The following PRKAR1B variants were observed in gnomAD, a reference collection of about 807,000 sequenced individuals.
The protein encoded by PRKAR1B is cAMP-dependent protein kinase type I-beta regulatory subunit.
In PRKAR1B, 22 loss-of-function variants were observed where a neutral mutation model predicts 46.5. The ratio of observed to expected loss-of-function variants is 0.47; its 90% CI spans 0.34 to 0.68. The LOEUF (loss-of-function observed/expected upper bound fraction) is 0.68, where lower values mean the gene tolerates loss of function less well. Among genes scored for constraint, PRKAR1B ranks in the 30% least tolerant of loss-of-function variants. The probability of loss-of-function intolerance (pLI) is 0.01; values close to 1 mark genes in which losing one functional copy is unlikely to be tolerated. For synonymous variants in PRKAR1B, 259 were observed against 217.7 expected, an observed-to-expected ratio of 1.19 and a Z score of -1.67; for missense variants, 445 against 535.6, an observed-to-expected ratio of 0.83 and a Z score of 1.67.
At position 711,463 on chromosome 7, in the gene PRKAR1B, G is replaced by A; in HGVS notation, c.43C>T (p.Leu15=). The change falls in exon 2 of 11, where the codon CTG becomes TTG. Residue 15 remains leucine, a synonymous_variant. Coordinates refer to ENST00000537384, the MANE Select transcript of PRKAR1B (RefSeq NM_001164760.2). ...TGCACGTACAGCTCACAGCCCTTCA[G>A]GCTCTCGTCCTCCTCCGAGGGGCAG... ...PACPSEEDES[L]KGCELYVQLH... is the part of the protein sequence containing the mutation. 1 of 1,614,186 alleles carries A rather than the reference G, an allele frequency of 6.2e-7. No homozygotes were observed. Among genetic ancestry groups the A allele is most frequent in the South Asian group, 1.1e-5 (1 of 91,078 alleles).
chr7:627,609 C>T (rs756302940), intron 4 of PRKAR1B, among the ~76,000 whole-genome samples: 6 of 152,204 alleles, frequency 3.9e-5, no homozygotes, highest in Non-Finnish European at 4.4e-5. Context: ...CGGGGCACCC[C>T]AGTACTGAGC....
chr7:589,056 T>G (rs1405345588), intron 7 of PRKAR1B, among the ~76,000 whole-genome samples: 3 of 150,860 alleles, frequency 2.0e-5, no homozygotes, highest in Non-Finnish European at 4.4e-5. Context: ...ATGGTGGCAA[T>G]GATGATGGTG....
chr7:652,104 G>A (rs551942813), intron 4 of PRKAR1B, among the ~76,000 whole-genome samples: 46 of 132,718 alleles, frequency 3.5e-4, no homozygotes, highest in African/African-American at 1.3e-3. Flanking sequence ...ACAGCGCTAG[G>A]AACCTGGGGA....
At position 553,091 on chromosome 7, in the gene PRKAR1B, G is replaced by A. The variant is rs768829123; in HGVS notation, c.892-1621C>T. On this transcript the variant is annotated intron_variant, in intron 9 of 10. Coordinates refer to ENST00000537384, the MANE Select transcript of PRKAR1B (RefSeq NM_001164760.2). Reference sequence around the variant, plus strand: ...CCAGGGCCCCAGGTGTGGAAACCGCGGCCTGGCACAGGGAAAGCGTGGGCT... The same window carrying A: ...CCAGGGCCCCAGGTGTGGAAACCGCAGCCTGGCACAGGGAAAGCGTGGGCT... 1.8e-4 allele frequency among the ~76,000 whole-genome samples: 27 copies of A among 152,206 alleles called. 1 individual carries two copies. The highest frequency in any genetic ancestry group is 3.2e-3 in the Middle Eastern group (1 of 316).
At chr7:726,950 TG>T in intron 1 of PRKAR1B, 1 of 1,331,352 alleles carries the variant, frequency 7.5e-7, no homozygotes, top group Non-Finnish European at 9.6e-7. Flanking sequence ...GCGCGCCTAC[TG>T]CTGCCGCGCT....
chr7:672,129 T>C (rs905953297), intron 4 of PRKAR1B, among the ~76,000 whole-genome samples: 4 of 151,632 alleles, frequency 2.6e-5, no homozygotes, highest in African/African-American at 9.7e-5. Flanking sequence ...GAAGTATTTG[T>C]CGTCTTAAAT....
chr7:661,534 A>G (rs13233738), intron 4 of PRKAR1B, among the ~76,000 whole-genome samples: 20 of 40,784 alleles, frequency 4.9e-4, no homozygotes, highest in African/African-American at 1.6e-3. Context: ...ACCCCAACAG[A>G]TCCAAATACC....
chr7:676,484 G>A (rs376003265), intron 4 of PRKAR1B, among the ~76,000 whole-genome samples: 6 of 152,326 alleles, frequency 3.9e-5, no homozygotes, highest in East Asian at 3.9e-4. Context: ...CCATGCATGC[G>A]GAAGAGGCCG....
intron 1 of PRKAR1B, among the ~76,000 whole-genome samples, chr7:717,698 A>C (rs1780928857): frequency 6.6e-6 from 1 of 152,096 alleles, no homozygotes; most frequent in African/African-American, 2.4e-5. Flanking sequence ...CTAATATTCA[A>C]GTTTTGCATT....
At chr7:663,277 A>T (rs1785715706) in intron 4 of PRKAR1B, among the ~76,000 whole-genome samples, 2 of 151,912 alleles carry the variant, frequency 1.3e-5, no homozygotes, top group Admixed American at 1.3e-4. Flanking sequence ...CCCAGGCTGG[A>T]GAGAGGAGTG....
chr7:628,715 G>A (rs968201415), intron 4 of PRKAR1B, among the ~76,000 whole-genome samples: 2 of 152,194 alleles, frequency 1.3e-5, no homozygotes, highest in Admixed American at 6.5e-5. Context: ...GGGCAACCCC[G>A]CCTACCCCGG....
chr7:556,102 G>T (rs1032593796), intron 9 of PRKAR1B, among the ~76,000 whole-genome samples: 2 of 152,136 alleles, frequency 1.3e-5, no homozygotes, highest in Non-Finnish European at 2.9e-5. Context: ...GCTCCTGGCT[G>T]TCTCCAAGCT....
In PRKAR1B at chr7:596,310, G is replaced by T; in HGVS notation, c.550-6C>A. ...CACTCTCCGTTCACGTACACCTTTG[G>T]GGAGCAAGAGAGAGAAGTGTCACGG... On this transcript the variant is annotated splice_region_variant and splice_polypyrimidine_tract_variant and intron_variant, in intron 6 of 10. Coordinates refer to ENST00000537384, the MANE Select transcript of PRKAR1B (RefSeq NM_001164760.2). 6.2e-7 allele frequency: 1 copy of T among 1,602,542 alleles called. No homozygotes were observed. The highest frequency in any genetic ancestry group is 8.5e-7 in the Non-Finnish European group (1 of 1,171,216).
At chr7:677,861 C>T (rs1778424439) in intron 3 of PRKAR1B, among the ~76,000 whole-genome samples, 1 of 152,242 alleles carries the variant, frequency 6.6e-6, no homozygotes, top group Non-Finnish European at 1.5e-5. Flanking sequence ...TATAGCCTAA[C>T]TATGCACTGA....
At position 601,221 on chromosome 7, in the gene PRKAR1B, C is replaced by T. The variant is rs539190746; in HGVS notation, c.550-4917G>A. 1.2e-4 allele frequency among the ~76,000 whole-genome samples: 18 copies of T among 152,330 alleles called. 1 individual carries two copies. Among genetic ancestry groups the T allele is most frequent in the Non-Finnish European group, 1.5e-4 (10 of 68,030 alleles). ...CACGCAGAATAAAACCAGGGAAAAC[C>T]GCTAGCCTCAGAAACCCACTCGGAC... On this transcript the variant is annotated intron_variant, in intron 6 of 10. Transcript: ENST00000537384.
intron 9 of PRKAR1B, among the ~76,000 whole-genome samples, chr7:561,267 C>G (rs1051457416): frequency 2.6e-5 from 4 of 151,884 alleles, no homozygotes; most frequent in Admixed American, 6.6e-5. Context: ...CAGGCACACA[C>G]GCCTGTGCAC....
intron 9 of PRKAR1B, among the ~76,000 whole-genome samples, chr7:552,670 A>G (rs1350230683): frequency 6.6e-6 from 1 of 152,112 alleles, no homozygotes; most frequent in Non-Finnish European, 1.5e-5. Flanking sequence ...TCGAAATGGA[A>G]CTCACTGGCC....
intron 4 of PRKAR1B, among the ~76,000 whole-genome samples, chr7:610,916 G>A (rs1782444125): frequency 2.0e-5 from 3 of 152,248 alleles, no homozygotes; most frequent in African/African-American, 7.2e-5. Context: ...CTGCATCAGA[G>A]GCTGTGCTGG....
At chr7:576,244 T>A (rs9767936) in intron 9 of PRKAR1B, among the ~76,000 whole-genome samples, 6 of 149,010 alleles carry the variant, frequency 4.0e-5, no homozygotes, top group Admixed American at 6.6e-5. Flanking sequence ...CACGGGCGGG[T>A]GTGCACGCTG....
Sources: allele counts gnomAD v4.1 joint callset (sites outside exome capture counted in the v4.1 genomes callset), GRCh38; gene constraint gnomAD v4.1.1; transcripts MANE v1.5; gene names NCBI Gene and HGNC (gene_info 2026-07-23, HGNC 2026-07-21).